The following ZXDC variants were observed in gnomAD, a reference collection of about 807,000 sequenced individuals.
ZXDC encodes the protein ZXD family zinc finger C, also known as zinc finger protein ZXDC.
Under a neutral mutation model 63.6 loss-of-function variants are expected in ZXDC, and 58 were observed. The observed-to-expected ratio is 0.91, with a 90% confidence interval of 0.74 to 1.13. The LOEUF is 1.13. Among genes scored for constraint, ZXDC ranks in the 50% most tolerant of loss-of-function variants. The pLI is 0.00. For synonymous variants in ZXDC, 561 were observed against 496.1 expected, an observed-to-expected ratio of 1.13 and a Z score of -1.74; for missense variants, 1,133 against 1,148.9, an observed-to-expected ratio of 0.99 and a Z score of 0.20.
At chr3:126,455,610 A>G (rs1163664883) in intron 7 of ZXDC, among the ~76,000 whole-genome samples, 1 of 152,216 alleles carries the variant, frequency 6.6e-6, no homozygotes, top group African/African-American at 2.4e-5. Flanking sequence ...CAAGAATCCA[A>G]CTGAAGGATT....
At chr3:126,474,883 C>A in intron 1 of ZXDC, 76 bp downstream of exon 1, 1 of 1,473,844 alleles carries the variant, frequency 6.8e-7, no homozygotes, top group Admixed American at 2.2e-5. Flanking sequence ...TGGCAGGCCC[C>A]TCTGTGGGGC....
chr3:126,464,483 G>GTGAC (rs1187263507), intron 5 of ZXDC, among the ~76,000 whole-genome samples: 2 of 152,298 alleles, frequency 1.3e-5, no homozygotes, highest in East Asian at 3.9e-4. Flanking sequence ...AGACGAAAGG[G>GTGAC]TGACACCTGG....
intron 8 of ZXDC, chr3:126,440,461 G>A (rs1368379797): frequency 1.0e-6 from 1 of 985,452 alleles, no homozygotes; most frequent in Non-Finnish European, 1.2e-6. Flanking sequence ...GACAGAAAAA[G>A]AACTCAAACC....
intron 5 of ZXDC, among the ~76,000 whole-genome samples, chr3:126,464,088 A>T (rs892848917): frequency 6.6e-6 from 1 of 152,242 alleles, no homozygotes; most frequent in Non-Finnish European, 1.5e-5. Context: ...TTGAGGACTC[A>T]GCTCCCTGTG....
chr3:126,474,175 C>T (rs1406973962), intron 1 of ZXDC, among the ~76,000 whole-genome samples: 1 of 151,890 alleles, frequency 6.6e-6, no homozygotes, highest in Non-Finnish European at 1.5e-5. Flanking sequence ...CACCATTCTC[C>T]TGCCTCAGCC....
chr3:126,462,194 T>G lies in ZXDC; in HGVS notation c.1468A>C (p.Ser490Arg). ...QDLLPQLEAP[S>R]SLTPSSELSS... ...AGTTCACTGCTGGGAGTAAGAGAAC[T>G]CGGAGCTTCTAGCTGAGGTAAGAGA... Residue 490 changes from serine to arginine, a missense_variant, in exon 6 of 10, where the codon AGT (serine) becomes CGT (arginine). Physicochemically the swap from Ser to Arg is moderately radical, Grantham distance 110. Coordinates refer to ENST00000389709, the MANE Select transcript of ZXDC (RefSeq NM_025112.5). 1 of 1,601,636 alleles carries G rather than the reference T, an allele frequency of 6.2e-7. No individual in the cohort carries two copies. The highest frequency in any genetic ancestry group is 8.5e-7 in the Non-Finnish European group (1 of 1,175,568).
At chr3:126,474,722 CCG>C (rs1336217187) in intron 1 of ZXDC, among the ~76,000 whole-genome samples, 2 of 152,276 alleles carry the variant, frequency 1.3e-5, no homozygotes, top group Non-Finnish European at 2.9e-5. Context: ...ATATCTGTTG[CCG>C]CCACCTTTGG....
At chr3:126,438,543 AC>A in intron 9 of ZXDC, 82 bp from the exon 10 acceptor site, 1 of 1,307,840 alleles carries the variant, frequency 7.6e-7, no homozygotes, top group Non-Finnish European at 1.1e-6. Context: ...CAGGACACTG[AC>A]CAGGCCCGTG....
At chr3:126,445,527 T>A (rs1018552789) in intron 7 of ZXDC, among the ~76,000 whole-genome samples, 1 of 151,966 alleles carries the variant, frequency 6.6e-6, no homozygotes. Context: ...CCTGTTTTTG[T>A]GTGCACTCCA....
At position 126,461,549 on chromosome 3, in the gene ZXDC, C is replaced by G. The variant is rs1319943446; in HGVS notation, c.2113G>C (p.Gly705Arg). 2 of 1,609,092 alleles carry G rather than the reference C, an allele frequency of 1.2e-6. No homozygotes were observed. Among genetic ancestry groups the G allele is most frequent in the Non-Finnish European group, 1.7e-6 (2 of 1,176,246 alleles). ...GTGCTTCATACCAAATAGAAGTTGC[C>G]AGTGCCTGCACTGAGCTCTGTGTCC... ...AQDTELSAGT[G>R]NFYLESGGSA... Residue 705 changes from glycine to arginine, a missense_variant, in exon 6 of 10, where the codon GGC becomes CGC. Coordinates refer to ENST00000389709, the MANE Select transcript of ZXDC (RefSeq NM_025112.5).
At chr3:126,466,023 G>T in intron 5 of ZXDC, 132 bp downstream of exon 5, 2 of 1,047,762 alleles carry the variant, frequency 1.9e-6, no homozygotes, top group Non-Finnish European at 2.8e-6. Context: ...GAGGCCACTT[G>T]GCTTGGCAGC....
chr3:126,457,245 C>G (rs1934344204), intron 7 of ZXDC: 1 of 981,902 alleles, frequency 1.0e-6, no homozygotes, highest in East Asian at 1.1e-4. Context: ...CATGAGTATG[C>G]AGGATGCTGC....
chr3:126,452,098 G>A (rs907082109), intron 7 of ZXDC: 25 of 985,086 alleles, frequency 2.5e-5, no homozygotes, highest in South Asian at 4.7e-5. Context: ...TTTTCCACAC[G>A]CAAAGATGAC....
At chr3:126,456,378 G>A (rs1421639041) in intron 7 of ZXDC, among the ~76,000 whole-genome samples, 6 of 152,322 alleles carry the variant, frequency 3.9e-5, no homozygotes, top group East Asian at 1.9e-4. Flanking sequence ...GGCACACAGC[G>A]CCAGCTCAGC....
At chr3:126,459,774 G>C (rs771006006) in intron 6 of ZXDC, 37 bp from the exon 7 acceptor site, 2 of 1,614,060 alleles carry the variant, frequency 1.2e-6, no homozygotes, top group Non-Finnish European at 1.7e-6. Context: ...CACTTATCTA[G>C]ACACAAAGGA....
chr3:126,459,399 G>C (rs1185342945), intron 7 of ZXDC: 1 of 985,464 alleles, frequency 1.0e-6, no homozygotes, highest in Non-Finnish European at 1.2e-6. Flanking sequence ...CCAGGTAACT[G>C]ACACTGGTGT....
Position 126,438,287 on chromosome 3 carries a change from A to G in ZXDC, c.*88T>C, listed in dbSNP as rs1933538531. On this transcript the variant is annotated 3_prime_UTR_variant, in exon 10 of 10. Coordinates refer to ENST00000389709, the MANE Select transcript of ZXDC (RefSeq NM_025112.5). ...ACGCTGGTCTTCTGAACGGAAACCA[A>G]ATGAGGTCTCCCCAGGCTCATGTCA... 8.7e-7 allele frequency: 1 copy of G among 1,144,502 alleles called. No homozygotes were observed. The highest frequency in any genetic ancestry group is 1.3e-6 in the Non-Finnish European group (1 of 776,200). 70.9% of individuals were successfully genotyped at this position (1,144,502 alleles called of 1,614,324 possible). A position where few individuals can be genotyped will look rare whatever the true frequency, so the allele number is the denominator to read the frequency against.
At chr3:126,454,680 T>C in intron 7 of ZXDC, 1 of 985,462 alleles carries the variant, frequency 1.0e-6, no homozygotes, top group Non-Finnish European at 1.2e-6. Flanking sequence ...GTCTTGCTGC[T>C]GTCTCCTCTG....
chr3:126,472,123 C>A (rs1256976882), intron 2 of ZXDC, 30 bp downstream of exon 2: 1 of 1,609,054 alleles, frequency 6.2e-7, no homozygotes, highest in Non-Finnish European at 8.5e-7. Flanking sequence ...AATCTTGGGT[C>A]CAAATGCTGT....
Sources: gnomAD v4.1 joint callset for allele counts (sites outside exome capture counted in the v4.1 genomes callset) on GRCh38, gnomAD v4.1.1 for gene constraint, MANE v1.5 for transcripts, NCBI Gene and HGNC (gene_info 2026-07-23, HGNC 2026-07-21) for gene names.